Variants in SYN2 observed in about 807,000 individuals in gnomAD.
The protein encoded by SYN2 is synapsin II.
A neutral mutation model predicts 50.9 loss-of-function variants in SYN2; 19 were observed. That is an observed-to-expected ratio of 0.37 (90% CI 0.26 to 0.55). The LOEUF is 0.55. Among genes scored for constraint, SYN2 ranks in the 20% least tolerant of loss-of-function variants. SYN2 has a pLI of 0.81. For missense variants in SYN2, 587 were observed against 576.4 expected, an observed-to-expected ratio of 1.02 and a Z score of -0.19; for synonymous variants, 255 against 224.9, an observed-to-expected ratio of 1.13 and a Z score of -1.20.
Position 12,191,023 on chromosome 3 carries a change from C to A in SYN2, c.*398C>A, listed in dbSNP as rs959896970. 18 of 998,014 alleles carry A rather than the reference C, an allele frequency of 1.8e-5. No homozygotes were observed. Among genetic ancestry groups the A allele is most frequent in the Non-Finnish European group, 2.1e-5 (18 of 838,670 alleles). 61.8% of individuals were successfully genotyped at this position (998,014 alleles called of 1,614,324 possible). ...TTGCAGTGCTAAGCATGCCCCGCCCCCATTCAGTGATACCTGTTTGGGAAG... is the reference window on the plus strand; with the variant it reads ...TTGCAGTGCTAAGCATGCCCCGCCCACATTCAGTGATACCTGTTTGGGAAG... On this transcript the variant is annotated 3_prime_UTR_variant, in exon 13 of 13. Coordinates refer to ENST00000621198, the MANE Select transcript of SYN2 (RefSeq NM_133625.6).
chr3:12,167,138 G>C, intron 7 of SYN2, 96 bp from the exon 8 acceptor site: 1 of 1,279,242 alleles, frequency 7.8e-7, no homozygotes, highest in Non-Finnish European at 1.1e-6. Flanking sequence ...AGCAGGTGTG[G>C]AAAGCAACAG....
chr3:12,067,364 T>C (rs1240713992), intron 1 of SYN2, among the ~76,000 whole-genome samples: 3 of 152,176 alleles, frequency 2.0e-5, no homozygotes, highest in African/African-American at 7.2e-5. Flanking sequence ...CCTTTCCTTG[T>C]AAAATTCTTT....
intron 1 of SYN2, chr3:12,071,494 T>G (rs1695354477): frequency 4.8e-6 from 2 of 418,790 alleles, no homozygotes; most frequent in Non-Finnish European, 4.8e-6. Flanking sequence ...AAATTGTCCT[T>G]GAAGCTTGTA....
chr3:12,004,884 GA>G lies in SYN2; in HGVS notation c.335del (p.Lys112ArgfsTer90). ...APAPAPAAAR[K>X]AKVLLVVDEP... ...CCGCTCCCGCGCCCGCAGCCGCCAG[GA>G]AGGCCAAGGTGCTGCTGGTGGTCGA... On this transcript the variant is annotated frameshift_variant, in exon 1 of 13. Coordinates refer to ENST00000621198, the MANE Select transcript of SYN2 (RefSeq NM_133625.6). LOFTEE classifies it high-confidence loss of function. 1 of 580,010 alleles carries G rather than the reference GA, an allele frequency of 1.7e-6. No individual in the cohort carries two copies. Among genetic ancestry groups the G allele is most frequent in the Non-Finnish European group, 3.1e-6 (1 of 324,162 alleles). The allele number at this position is 580,010 out of a possible 1,614,324, so 35.9% of individuals were successfully genotyped here. A position where few individuals can be genotyped will look rare whatever the true frequency, so the allele number is the denominator to read the frequency against.
intron 1 of SYN2, among the ~76,000 whole-genome samples, chr3:12,069,812 G>GTT (rs1216470059): frequency 7.0e-6 from 1 of 142,070 alleles, no homozygotes; most frequent in Non-Finnish European, 1.5e-5. Flanking sequence ...TTTGTTTTGG[G>GTT]TTTTTTTTTT....
At chr3:12,140,801 C>G in intron 2 of SYN2, 93 bp downstream of exon 2, 2 of 714,860 alleles carry the variant, frequency 2.8e-6, no homozygotes, top group Non-Finnish European at 2.6e-6. Context: ...GAGTGGAATA[C>G]TGTGTCCATC....
chr3:12,020,009 G>A (rs570079702), intron 1 of SYN2, among the ~76,000 whole-genome samples: 3 of 152,270 alleles, frequency 2.0e-5, no homozygotes, highest in Admixed American at 6.5e-5. Context: ...GCAAGAGCCT[G>A]TATGGTTTGT....
chr3:12,062,573 C>T (rs978171403), intron 1 of SYN2, among the ~76,000 whole-genome samples: 2 of 151,944 alleles, frequency 1.3e-5, no homozygotes, highest in African/African-American at 4.8e-5. Flanking sequence ...AGACAAGCCA[C>T]AGACTGGGAG....
At chr3:12,189,526 T>G (rs1459766344) in intron 12 of SYN2, among the ~76,000 whole-genome samples, 4 of 152,090 alleles carry the variant, frequency 2.6e-5, no homozygotes, top group Non-Finnish European at 4.4e-5. Flanking sequence ...AACAGGGAAA[T>G]TGCCGGGTGC....
intron 11 of SYN2, among the ~76,000 whole-genome samples, chr3:12,186,007 C>A (rs369117977): frequency 6.6e-6 from 1 of 152,178 alleles, no homozygotes; most frequent in African/African-American, 2.4e-5. Context: ...GTAACTAACT[C>A]TGGTATTATT....
intron 1 of SYN2, among the ~76,000 whole-genome samples, chr3:12,019,065 C>CATAT (rs1694077063): frequency 6.6e-6 from 1 of 152,150 alleles, no homozygotes; most frequent in Non-Finnish European, 1.5e-5. Flanking sequence ...TGTCTGTGGA[C>CATAT]ATATATCTTA....
intron 1 of SYN2, among the ~76,000 whole-genome samples, chr3:12,064,472 G>C (rs1695170155): frequency 6.6e-6 from 1 of 152,084 alleles, no homozygotes; most frequent in Non-Finnish European, 1.5e-5. Context: ...CGGGGGGAAA[G>C]TAAATAATGT....
At chr3:12,161,022 G>T (rs1231039419) in intron 5 of SYN2, among the ~76,000 whole-genome samples, 1 of 152,212 alleles carries the variant, frequency 6.6e-6, no homozygotes, top group South Asian at 2.1e-4. Flanking sequence ...TGAGATTGGG[G>T]TATTGGTGAG....
rs1697760794 is a variant in SYN2, at chr3:12,165,463, C to T, written c.981-1771C>T. 4 of 152,214 alleles carry T rather than the reference C, an allele frequency of 2.6e-5. No homozygotes were observed. The South Asian group carries it at 8.3e-4, about 32-fold the overall frequency. 9.4% of individuals were successfully genotyped at this position (152,214 alleles called of 1,614,324 possible). ...AATTACTATTAATGAAATAAATGAG[C>T]CTATAGATGAAACAGTGTTTCACAT... On this transcript the variant is annotated intron_variant, in intron 7 of 12. Transcript: ENST00000621198.
chr3:12,051,069 C>A (rs1694850114), intron 1 of SYN2, among the ~76,000 whole-genome samples: 1 of 151,884 alleles, frequency 6.6e-6, no homozygotes, highest in South Asian at 2.1e-4. Context: ...AAAACAGAGA[C>A]CCAAAAATAG....
intron 1 of SYN2, among the ~76,000 whole-genome samples, chr3:12,100,294 T>G (rs1028991944): frequency 6.6e-6 from 1 of 152,150 alleles, no homozygotes; most frequent in African/African-American, 2.4e-5. Flanking sequence ...GATAGACATA[T>G]AGATTAAAGA....
At position 12,010,072 on chromosome 3, in the gene SYN2, G is replaced by A. The variant is rs181828810; in HGVS notation, c.377+5144G>A. On this transcript the variant is annotated intron_variant, in intron 1 of 12. Transcript: ENST00000621198. The stretch of plus-strand genomic sequence containing the variant: ...ATCGCACCACTGCACTGTAGCCTGG[G>A]CGACAGAGCAAGACTCCATCTCCAA... Among the ~76,000 whole-genome samples, 73 of 152,238 alleles carry A rather than the reference G, an allele frequency of 4.8e-4. No homozygotes were observed. The East Asian group carries it at 0.013, about 27-fold the overall frequency.
intron 1 of SYN2, among the ~76,000 whole-genome samples, chr3:12,064,254 A>G (rs946048967): frequency 2.6e-5 from 4 of 152,082 alleles, no homozygotes; most frequent in Non-Finnish European, 5.9e-5. Flanking sequence ...AAAGTCTGAG[A>G]AACTGTCAAG....
Position 12,162,170 on chromosome 3 carries a change from G to C in SYN2, c.980+16G>C. On this transcript the variant is annotated intron_variant, in intron 7 of 12. Transcript: ENST00000621198. ...AGGCTTACATGTGAGTAAGAGTGGG[G>C]TATGTTTTCTCCTCAGTGATGATGG... The C allele has an allele frequency of 6.2e-7, 1 of 1,613,524 alleles. No individual in the cohort carries two copies.
Sources: allele counts gnomAD v4.1 joint callset (sites outside exome capture counted in the v4.1 genomes callset), GRCh38; gene constraint gnomAD v4.1.1; transcripts MANE v1.5; gene names NCBI Gene and HGNC (gene_info 2026-07-23, HGNC 2026-07-21).